The following CAMKMT variants were observed in gnomAD, a reference collection of about 807,000 sequenced individuals.
CAMKMT encodes the protein calmodulin-lysine N-methyltransferase.
Under a neutral mutation model 48.0 loss-of-function variants are expected in CAMKMT, and 53 were observed. That is an observed-to-expected ratio of 1.10 (90% CI 0.89 to 1.39). The LOEUF (loss-of-function observed/expected upper bound fraction) is 1.39. CAMKMT is among the 40% of genes most tolerant of loss of function. CAMKMT has a pLI of 0.00. For synonymous variants in CAMKMT, 165 were observed against 152.3 expected, an observed-to-expected ratio of 1.08 and a Z score of -0.61; for missense variants, 428 against 402.7, an observed-to-expected ratio of 1.06 and a Z score of -0.54.
At position 44,380,170 on chromosome 2, in the gene CAMKMT, A is replaced by C. The variant is rs141569725; in HGVS notation, c.311+7282A>C. Among the ~76,000 whole-genome samples the C allele has an allele frequency of 3.1e-3, 479 of 152,134 alleles. 4 individuals carry two copies. The highest frequency in any genetic ancestry group is 0.011 in the African/African-American group (459 of 41,498). ...CCCAATGACTCGTTCCTCAGTCCTT[A>C]CTCAGCAGGCCATTTTTAGGAAGAA... is the stretch of plus-strand genomic sequence containing the variant. On this transcript the variant is annotated intron_variant, in intron 2 of 10. Transcript: ENST00000378494.
rs189233441 is a variant in CAMKMT, at chr2:44,471,050, A to T, written c.376+80745A>T. On this transcript the variant is annotated intron_variant, in intron 3 of 10. Coordinates refer to ENST00000378494, the MANE Select transcript of CAMKMT (RefSeq NM_024766.5). The stretch of plus-strand genomic sequence containing the variant: ...CGCTCTCTCACCCAGGCTGGAGTGC[A>T]GTGGTGCGATCTTGGCTCACTGCAA... Among the ~76,000 whole-genome samples the T allele has an allele frequency of 1.1e-4, 15 of 134,458 alleles. No homozygotes were observed. The Admixed American group carries it at 1.2e-3, about 11-fold the overall frequency. 88.2% of individuals were successfully genotyped at this position (134,458 alleles called of 152,430 possible).
intron 3 of CAMKMT, among the ~76,000 whole-genome samples, chr2:44,489,531 C>T (rs1319139179): frequency 2.0e-5 from 3 of 152,182 alleles, no homozygotes; most frequent in Admixed American, 2.0e-4. Context: ...CATGTGTGAG[C>T]CACTGCGCCT....
intron 3 of CAMKMT, among the ~76,000 whole-genome samples, chr2:44,496,258 T>G (rs1047703495): frequency 6.6e-6 from 1 of 152,186 alleles, no homozygotes; most frequent in Admixed American, 6.5e-5. Context: ...CCTTACTGTC[T>G]TATAACAATA....
intron 3 of CAMKMT, among the ~76,000 whole-genome samples, chr2:44,521,993 CTCT>C (rs1671138268): frequency 6.6e-6 from 1 of 151,330 alleles, no homozygotes; most frequent in Admixed American, 6.6e-5. Context: ...CCTCTGTTTT[CTCT>C]TCTTTTCTTT....
At chr2:44,495,425 T>C (rs139906713) in intron 3 of CAMKMT, among the ~76,000 whole-genome samples, 1 of 152,206 alleles carries the variant, frequency 6.6e-6, no homozygotes, top group East Asian at 1.9e-4. Context: ...ATTAAAGATG[T>C]GAGCCACCGT....
At chr2:44,474,739 C>G (rs1343133084) in intron 3 of CAMKMT, among the ~76,000 whole-genome samples, 2 of 152,168 alleles carry the variant, frequency 1.3e-5, no homozygotes, top group Non-Finnish European at 2.9e-5. Flanking sequence ...AAATGCTCCT[C>G]CCTGTACTCC....
intron 4 of CAMKMT, 66 bp downstream of exon 4, chr2:44,704,409 G>A (rs556946085): frequency 9.5e-7 from 1 of 1,058,098 alleles, no homozygotes. Flanking sequence ...ATTAAAAATT[G>A]CCATGATTAT....
At chr2:44,565,203 C>G (rs1168446150) in intron 3 of CAMKMT, among the ~76,000 whole-genome samples, 1 of 152,086 alleles carries the variant, frequency 6.6e-6, no homozygotes, top group Non-Finnish European at 1.5e-5. Context: ...GATGGCAACA[C>G]CTTCAAACAT....
intron 3 of CAMKMT, among the ~76,000 whole-genome samples, chr2:44,581,097 G>C (rs1390493585): frequency 6.6e-6 from 1 of 152,094 alleles, no homozygotes; most frequent in Non-Finnish European, 1.5e-5. Flanking sequence ...ACAAATGTCA[G>C]AATATAGCTA....
In CAMKMT at chr2:44,606,509, A is replaced by T. The variant is rs188939729; in HGVS notation, c.377-97774A>T. On this transcript the variant is annotated intron_variant, in intron 3 of 10. Coordinates refer to ENST00000378494, the MANE Select transcript of CAMKMT (RefSeq NM_024766.5). ...TAGCCTATGACAAGGAGTCTGTGAC[A>T]GCATTTTAGCCTATCAGTAGTGAAA... is the stretch of plus-strand genomic sequence containing the variant. 1.4e-3 allele frequency among the ~76,000 whole-genome samples: 208 copies of T among 152,332 alleles called. 1 individual carries two copies. The highest frequency in any genetic ancestry group is 4.9e-3 in the African/African-American group (205 of 41,580).
chr2:44,687,820 G>T (rs1003413215), intron 3 of CAMKMT, among the ~76,000 whole-genome samples: 3 of 152,208 alleles, frequency 2.0e-5, no homozygotes, highest in African/African-American at 7.2e-5. Context: ...GCAGGCAGCT[G>T]CTTCCTCCAT....
intron 3 of CAMKMT, among the ~76,000 whole-genome samples, chr2:44,669,469 T>C (rs1475377100): frequency 2.0e-5 from 3 of 152,206 alleles, no homozygotes; most frequent in African/African-American, 7.2e-5. Context: ...GGGTTGCCTT[T>C]ACTTGATGTT....
intron 3 of CAMKMT, among the ~76,000 whole-genome samples, chr2:44,580,026 A>C (rs2103770565): frequency 6.6e-6 from 1 of 152,244 alleles, no homozygotes; most frequent in Admixed American, 6.5e-5. Flanking sequence ...AGCAAATGGG[A>C]AAGTTAAGAA....
chr2:44,731,381 G>A (rs1247348232), intron 7 of CAMKMT, among the ~76,000 whole-genome samples: 1 of 152,074 alleles, frequency 6.6e-6, no homozygotes, highest in Non-Finnish European at 1.5e-5. Flanking sequence ...CTCCCCTACA[G>A]CCAGGAGTCT....
chr2:44,566,792 G>A (rs753168211), intron 3 of CAMKMT, among the ~76,000 whole-genome samples: 2 of 152,208 alleles, frequency 1.3e-5, no homozygotes, highest in Non-Finnish European at 2.9e-5. Flanking sequence ...GTTAAAGGAT[G>A]CTTTTAATTT....
chr2:44,595,763 A>G (rs1670614722), intron 3 of CAMKMT, among the ~76,000 whole-genome samples: 1 of 152,254 alleles, frequency 6.6e-6, no homozygotes, highest in Non-Finnish European at 1.5e-5. Context: ...GACTGGATAA[A>G]TGAAATGTGG....
intron 8 of CAMKMT, among the ~76,000 whole-genome samples, chr2:44,747,316 T>C (rs1166855055): frequency 6.6e-6 from 1 of 152,240 alleles, no homozygotes; most frequent in African/African-American, 2.4e-5. Context: ...ATGGAAATAC[T>C]GTAGGCTCTA....
At chr2:44,456,519 A>G in intron 3 of CAMKMT, 1 of 1,543,670 alleles carries the variant, frequency 6.5e-7, no homozygotes, top group Non-Finnish European at 8.7e-7. Flanking sequence ...AAAAGCTTTA[A>G]CTACAGCCAA....
intron 3 of CAMKMT, among the ~76,000 whole-genome samples, chr2:44,460,805 C>T (rs1222800420): frequency 6.6e-6 from 1 of 150,722 alleles, no homozygotes; most frequent in African/African-American, 2.5e-5. Flanking sequence ...TTACTGCAAC[C>T]TCCACTTCCC....
Sources: gnomAD v4.1 joint callset for allele counts (sites outside exome capture counted in the v4.1 genomes callset) on GRCh38, gnomAD v4.1.1 for gene constraint, MANE v1.5 for transcripts, NCBI Gene and HGNC (gene_info 2026-07-23, HGNC 2026-07-21) for gene names.